Variants in NDEL1 observed in about 807,000 individuals in gnomAD.
NDEL1 encodes nuclear distribution protein nudE-like 1.
In NDEL1, 9 loss-of-function variants were observed where a neutral mutation model predicts 45.7. The observed-to-expected ratio is 0.20, with a 90% CI of 0.12 to 0.34. NDEL1 has a LOEUF of 0.34. Ranked by LOEUF, NDEL1 falls within the 10% of genes least tolerant of loss-of-function variation. The pLI is 1.00. For missense variants in NDEL1, 306 were observed against 406.2 expected (o/e 0.75, Z 2.12); for synonymous variants, 133 against 158.6 (o/e 0.84, Z 1.21).
intron 6 of NDEL1, 79 bp from the exon 7 acceptor site, chr17:8,454,717 C>G (rs1910722386): frequency 2.0e-6 from 2 of 997,654 alleles, no homozygotes; most frequent in Non-Finnish European, 3.1e-6. Context: ...GAGTGTTACA[C>G]TACTTTGTAA....
Position 8,451,887 on chromosome 17 carries a change from G to C in NDEL1, c.700+934G>C, listed in dbSNP as rs187817551. ...CTAGTACAGTGAGCTCTCTCTGTCT[G>C]TGCTACTCAATAGTCACCAGCCCAT... On this transcript the variant is annotated intron_variant, in intron 6 of 8. Transcript: ENST00000334527. Among the ~76,000 whole-genome samples the C allele has an allele frequency of 3.7e-4, 57 of 152,134 alleles. 1 individual carries two copies. Among genetic ancestry groups the C allele is most frequent in the Middle Eastern group, 3.4e-3 (1 of 294 alleles).
upstream of NDEL1, among the ~76,000 whole-genome samples, chr17:8,435,406 G>A (rs145940442): frequency 1.4e-3 from 218 of 152,294 alleles, no homozygotes; most frequent in African/African-American, 5.0e-3. Context: ...AGGAAGATGA[G>A]AACAAATACA....
At chr17:8,430,997 A>T (rs1908985898), upstream of NDEL1, among the ~76,000 whole-genome samples, 1 of 152,190 alleles carries the variant, frequency 6.6e-6, no homozygotes, top group Admixed American at 6.5e-5. Flanking sequence ...AAGCCCGTTC[A>T]TTAAGATAAG....
intron 1 of NDEL1, among the ~76,000 whole-genome samples, chr17:8,441,211 C>CA (rs1367976955): frequency 6.6e-6 from 1 of 152,080 alleles, no homozygotes; most frequent in Non-Finnish European, 1.5e-5. Flanking sequence ...AATCTAGGGG[C>CA]AATACAAAGC....
intron 1 of NDEL1, among the ~76,000 whole-genome samples, chr17:8,418,116 C>G (rs572937327): frequency 6.6e-6 from 1 of 152,344 alleles, no homozygotes; most frequent in Non-Finnish European, 1.5e-5. Flanking sequence ...TCTACTGCGT[C>G]AGCTGTCGCT....
chr17:8,427,974 G>A (rs1473122735), intron 1 of NDEL1, among the ~76,000 whole-genome samples: 1 of 152,098 alleles, frequency 6.6e-6, no homozygotes, highest in African/African-American at 2.4e-5. Context: ...TTGGTTTTAA[G>A]GGCCTTGACA....
At chr17:8,438,438 A>G (rs1909499764) in intron 1 of NDEL1, among the ~76,000 whole-genome samples, 1 of 152,244 alleles carries the variant, frequency 6.6e-6, no homozygotes, top group African/African-American at 2.4e-5. Context: ...AACTGAACAG[A>G]CTGTATAACA....
At chr17:8,420,131 A>C (rs1567719053) in intron 1 of NDEL1, among the ~76,000 whole-genome samples, 4 of 152,184 alleles carry the variant, frequency 2.6e-5, no homozygotes, top group Admixed American at 1.3e-4. Flanking sequence ...CTGAGGGTCT[A>C]TGAATGCTGA....
At chr17:8,455,521 C>T (rs1910778659) in intron 7 of NDEL1, among the ~76,000 whole-genome samples, 3 of 152,080 alleles carry the variant, frequency 2.0e-5, no homozygotes, top group Non-Finnish European at 4.4e-5. Context: ...AACCCTGTCT[C>T]TACTAAAAAT....
chr17:8,472,956 G>T (rs1174319821), downstream of NDEL1, among the ~76,000 whole-genome samples: 1 of 152,210 alleles, frequency 6.6e-6, no homozygotes, highest in Non-Finnish European at 1.5e-5. Context: ...TCAAAGCCCA[G>T]CTGCCATAAA....
chr17:8,430,487 C>G (rs962702478), intron 1 of NDEL1, among the ~76,000 whole-genome samples: 1 of 152,140 alleles, frequency 6.6e-6, no homozygotes, highest in Admixed American at 6.5e-5. Flanking sequence ...AGCTAGGGTT[C>G]GGGCTTGTAC....
rs182193788 is a variant in NDEL1, at chr17:8,419,943, G to A, written c.-13+6674G>A. Reference sequence around the variant, plus strand: ...AGGAGAATAAAGAAGCAGATCACCCGAGAAATAATAGCTTAACGGAGAGAA... The same window carrying A: ...AGGAGAATAAAGAAGCAGATCACCCAAGAAATAATAGCTTAACGGAGAGAA... On this transcript the variant is annotated intron_variant, in intron 1 of 4. Transcript: ENST00000582812. 4.7e-4 allele frequency among the ~76,000 whole-genome samples: 72 copies of A among 152,268 alleles called. 1 individual carries two copies. Among genetic ancestry groups the A allele is most frequent in the African/African-American group, 1.5e-3 (62 of 41,548 alleles).
chr17:8,463,447 A>G, intron 8 of NDEL1: 3 of 1,261,992 alleles, frequency 2.4e-6, no homozygotes, highest in Non-Finnish European at 3.4e-6. Context: ...TACTAACTGC[A>G]TGGGGCTGAC....
At chr17:8,433,307 A>T (rs1909064207), upstream of NDEL1, among the ~76,000 whole-genome samples, 1 of 152,136 alleles carries the variant, frequency 6.6e-6, no homozygotes, top group African/African-American at 2.4e-5. Flanking sequence ...TTCTGCTGTT[A>T]ATCATTGATC....
chr17:8,469,182 G>GC (rs1911770015), downstream of NDEL1, among the ~76,000 whole-genome samples: 1 of 152,176 alleles, frequency 6.6e-6, no homozygotes, highest in African/African-American at 2.4e-5. Flanking sequence ...GAGCTGCAGT[G>GC]CTTGAGAGGA....
chr17:8,426,836 C>T (rs750588228), intron 1 of NDEL1, among the ~76,000 whole-genome samples: 5 of 152,154 alleles, frequency 3.3e-5, no homozygotes, highest in Non-Finnish European at 5.9e-5. Flanking sequence ...AGTTTACCCC[C>T]CAGATAAGGA....
chr17:8,448,707 A>G (rs1221241350), intron 5 of NDEL1, 21 bp downstream of exon 5: 1 of 1,599,068 alleles, frequency 6.3e-7, no homozygotes, highest in Admixed American at 1.7e-5. Flanking sequence ...TAACTTAAAG[A>G]ATACAGTTGA....
rs537102469 is a variant in NDEL1 at position 8,420,553 on chromosome 17, T to A, written c.-13+7284T>A. Among the ~76,000 whole-genome samples, 20 of 152,360 alleles carry A rather than the reference T, an allele frequency of 1.3e-4. No individual in the cohort carries two copies. In the South Asian group the frequency reaches 3.9e-3, roughly 30 times the overall value. On this transcript the variant is annotated intron_variant, in intron 1 of 4. Transcript: ENST00000582812. Reference sequence around the variant, plus strand: ...AAACTACAAAGTCACCACTGGCCACTGACCTCCATTCTCAGCTTATTCTTC... The same window carrying A: ...AAACTACAAAGTCACCACTGGCCACAGACCTCCATTCTCAGCTTATTCTTC...
At chr17:8,442,663 A>G (rs528507483) in intron 1 of NDEL1, among the ~76,000 whole-genome samples, 1 of 144,972 alleles carries the variant, frequency 6.9e-6, no homozygotes, top group South Asian at 2.2e-4. Flanking sequence ...ATGTGGAGAG[A>G]TTTAACCGTT....
Sources: gnomAD v4.1 joint callset for allele counts (sites outside exome capture counted in the v4.1 genomes callset) on GRCh38, gnomAD v4.1.1 for gene constraint, MANE v1.5 for transcripts, NCBI Gene and HGNC (gene_info 2026-07-23, HGNC 2026-07-21) for gene names.